LTBP2: variants seen among roughly 807,000 people sequenced by gnomAD.
LTBP2 encodes the protein latent-transforming growth factor beta-binding protein 2.
A neutral mutation model predicts 210.6 loss-of-function variants in LTBP2; 103 were observed. The observed-to-expected ratio is 0.49, with a 90% CI of 0.42 to 0.58. The LOEUF (loss-of-function observed/expected upper bound fraction) is 0.58, where lower values mean the gene tolerates loss of function less well. LTBP2 is among the 20% of genes least tolerant of loss of function. LTBP2 has a pLI of 0.00. For synonymous variants in LTBP2, 1,007 were observed against 1,015.0 expected, an observed-to-expected ratio of 0.99 and a Z score of 0.15; for missense variants, 2,313 against 2,494.5, an observed-to-expected ratio of 0.93 and a Z score of 1.55.
At chr14:74,566,286 A>G (rs1318166496) in intron 3 of LTBP2, among the ~76,000 whole-genome samples, 1 of 152,220 alleles carries the variant, frequency 6.6e-6, no homozygotes, top group East Asian at 1.9e-4. Flanking sequence ...AACGCTTAAG[A>G]GGCAGACAGA....
At chr14:74,525,660 A>G (rs989733138) in intron 14 of LTBP2, among the ~76,000 whole-genome samples, 1 of 152,194 alleles carries the variant, frequency 6.6e-6, no homozygotes, top group African/African-American at 2.4e-5. Flanking sequence ...CTACCGTTTT[A>G]CAAGAAGCAT....
At chr14:74,564,672 C>G (rs28526748) in intron 3 of LTBP2, among the ~76,000 whole-genome samples, 1 of 151,746 alleles carries the variant, frequency 6.6e-6, no homozygotes, top group Non-Finnish European at 1.5e-5. Context: ...TGTGAGCCAC[C>G]AGGCCCAGCC....
chr14:74,536,572 C>T (rs569334085), intron 8 of LTBP2, among the ~76,000 whole-genome samples: 3 of 152,046 alleles, frequency 2.0e-5, no homozygotes, highest in Non-Finnish European at 2.9e-5. Flanking sequence ...ACCAGCCAGG[C>T]GCAGTGGCTC....
chr14:74,509,528 G>T lies in LTBP2; in HGVS notation c.3278-165C>A, dbSNP rs138930739. Among the ~76,000 whole-genome samples the T allele has an allele frequency of 3.9e-3, 599 of 152,246 alleles. 8 individuals carry two copies. The highest frequency in any genetic ancestry group is 0.012 in the African/African-American group (492 of 41,538). The stretch of plus-strand genomic sequence containing the variant: ...CTGCCCTCAGCTTCCCTCTTCTCTG[G>T]GACTGGCTTTTCCTCCTGTCCTCAC... On this transcript the variant is annotated intron_variant, in intron 21 of 35. Coordinates refer to ENST00000261978, the MANE Select transcript of LTBP2 (RefSeq NM_000428.3).
rs998982803 is a variant in LTBP2, at chr14:74,499,277, C to A, written c.*1607G>T. 4.6e-6 allele frequency: 1 copy of A among 218,852 alleles called. No individual in the cohort carries two copies. Among genetic ancestry groups the A allele is most frequent in the African/African-American group, 2.2e-5 (1 of 44,496 alleles). The allele number at this position is 218,852 out of a possible 1,614,324, so 13.6% of individuals were successfully genotyped here. ...CGTAAGAGTGACTTATTTTTGTCTGCTGAAAACATCTCAATTAGTATAGGG... is the reference window on the plus strand; with the variant it reads ...CGTAAGAGTGACTTATTTTTGTCTGATGAAAACATCTCAATTAGTATAGGG... On this transcript the variant is annotated 3_prime_UTR_variant, in exon 36 of 36. Transcript: ENST00000261978.
rs201664630 is a variant in LTBP2, at chr14:74,506,878, TGCGC to T, written c.3908-59_3908-56del. On this transcript the variant is annotated intron_variant, in intron 26 of 35. Transcript: ENST00000261978. The stretch of plus-strand genomic sequence containing the variant: ...ATGTGTGTGTGTGTGTGTGTGTGTG[TGCGC>T]GCGCGCGTGTGTGCTCACTCTCTCA... The T allele has an allele frequency of 5.5e-5, 72 of 1,299,172 alleles. No individual in the cohort carries two copies. The Middle Eastern group carries it at 8.5e-4, about 15-fold the overall frequency. 80.5% of individuals were successfully genotyped at this position (1,299,172 alleles called of 1,614,324 possible). A position where few individuals can be genotyped will look rare whatever the true frequency, so the allele number is the denominator to read the frequency against.
At chr14:74,564,284 TTTA>T (rs1276471840) in intron 3 of LTBP2, among the ~76,000 whole-genome samples, 3 of 56,936 alleles carry the variant, frequency 5.3e-5, no homozygotes, top group East Asian at 1.0e-3. Context: ...TATATATATA[TTTA>T]TATATATATT....
At chr14:74,575,589 C>A (rs2088047191) in intron 3 of LTBP2, among the ~76,000 whole-genome samples, 1 of 152,218 alleles carries the variant, frequency 6.6e-6, no homozygotes, top group Non-Finnish European at 1.5e-5. Context: ...CTGGCTGGAA[C>A]ACAGTGCCTC....
chr14:74,542,160 C>T (rs113457853), intron 8 of LTBP2, among the ~76,000 whole-genome samples: 11 of 152,326 alleles, frequency 7.2e-5, no homozygotes, highest in East Asian at 1.9e-4. Context: ...GCATGCAGGA[C>T]AGATGTGGGG....
intron 2 of LTBP2, among the ~76,000 whole-genome samples, chr14:74,594,924 A>G (rs1015412392): frequency 6.6e-6 from 1 of 152,194 alleles, no homozygotes; most frequent in Non-Finnish European, 1.5e-5. Context: ...GGGAGAAGTC[A>G]GGGCCTCAGG....
chr14:74,502,606 A>G (rs1235807793), intron 34 of LTBP2, 47 bp downstream of exon 34: 1 of 1,613,546 alleles, frequency 6.2e-7, no homozygotes, highest in South Asian at 1.1e-5. Context: ...ATGGAAGTGA[A>G]ACAGCTTTGG....
At chr14:74,546,698 C>T (rs563220063) in intron 8 of LTBP2, among the ~76,000 whole-genome samples, 13 of 152,296 alleles carry the variant, frequency 8.5e-5, no homozygotes, top group East Asian at 3.9e-4. Context: ...GTGTTCTGCA[C>T]GCACCTGATC....
rs951408497 is a variant in LTBP2, at chr14:74,501,661, T to G, written c.5171-71A>C. 2.5e-6 allele frequency: 4 copies of G among 1,598,736 alleles called. No individual in the cohort carries two copies. In the African/African-American group the frequency reaches 5.4e-5, roughly 21 times the overall value. The stretch of plus-strand genomic sequence containing the variant: ...CAGACTCTCCCTAATGCTGGGACCC[T>G]CGCCCTTCTGGACAAAGGGTGCCCC... On this transcript the variant is annotated intron_variant, in intron 34 of 35. Coordinates refer to ENST00000261978, the MANE Select transcript of LTBP2 (RefSeq NM_000428.3).
At chr14:74,542,913 C>T (rs1440498532) in intron 8 of LTBP2, among the ~76,000 whole-genome samples, 4 of 151,982 alleles carry the variant, frequency 2.6e-5, no homozygotes, top group African/African-American at 9.7e-5. Flanking sequence ...ATTACAGCCA[C>T]GCGCTGCCAC....
At chr14:74,523,555 T>TGG (rs2087235484) in intron 15 of LTBP2, among the ~76,000 whole-genome samples, 1 of 150,986 alleles carries the variant, frequency 6.6e-6, no homozygotes, top group Non-Finnish European at 1.5e-5. Context: ...CTGCCTTGGG[T>TGG]GGTGGTGATG....
At chr14:74,598,971 G>A (rs2088408731) in intron 2 of LTBP2, among the ~76,000 whole-genome samples, 1 of 152,202 alleles carries the variant, frequency 6.6e-6, no homozygotes, top group African/African-American at 2.4e-5. Context: ...GACCTCATTT[G>A]TAAATGGGGA....
chr14:74,545,842 G>A (rs1008031126), intron 8 of LTBP2, among the ~76,000 whole-genome samples: 1 of 152,204 alleles, frequency 6.6e-6, no homozygotes, highest in African/African-American at 2.4e-5. Flanking sequence ...GAGTTCAGCT[G>A]GGTACACATT....
chr14:74,558,520 G>T (rs955092864), intron 3 of LTBP2, among the ~76,000 whole-genome samples: 6 of 152,254 alleles, frequency 3.9e-5, no homozygotes, highest in Non-Finnish European at 8.8e-5. Flanking sequence ...CTGGTGCCAT[G>T]CTCAGGTTAG....
intron 3 of LTBP2, among the ~76,000 whole-genome samples, chr14:74,560,849 T>C (rs2139758666): frequency 6.6e-6 from 1 of 152,300 alleles, no homozygotes; most frequent in African/African-American, 2.4e-5. Context: ...CTAGAGAAGA[T>C]TTAAAGTATA....
Sources: allele counts gnomAD v4.1 joint callset (sites outside exome capture counted in the v4.1 genomes callset), GRCh38; gene constraint gnomAD v4.1.1; transcripts MANE v1.5; gene names NCBI Gene and HGNC (gene_info 2026-07-23, HGNC 2026-07-21).